NBAS: variants seen among roughly 807,000 people sequenced by gnomAD.
NBAS encodes NAG/BC035112 fusion.
In NBAS, 219 loss-of-function variants were observed where a neutral mutation model predicts 302.5. The observed-to-expected ratio is 0.72, with a 90% CI of 0.65 to 0.81. The LOEUF (loss-of-function observed/expected upper bound fraction) is 0.81. NBAS is among the 30% of genes least tolerant of loss of function. NBAS has a pLI of 0.00. For missense variants in NBAS, 2,932 were observed against 2,841.6 expected (o/e 1.03, Z -0.72); for synonymous variants, 1,118 against 1,021.6 (o/e 1.09, Z -1.80).
intron 26 of NBAS, among the ~76,000 whole-genome samples, chr2:15,401,155 C>G (rs1406869904): frequency 1.3e-5 from 2 of 151,906 alleles, no homozygotes; most frequent in Non-Finnish European, 2.9e-5. Context: ...AAAAAAGTCA[C>G]TAGGGTAATA....
chr2:14,810,078 C>T, the NBAS span, among the ~76,000 whole-genome samples: 6 of 152,148 alleles, frequency 3.9e-5, no homozygotes, highest in African/African-American at 9.7e-5. Flanking sequence ...AACTAACTTG[C>T]TTTTGATTTT....
chr2:14,813,769 T>A, the NBAS span, among the ~76,000 whole-genome samples: 3 of 152,162 alleles, frequency 2.0e-5, no homozygotes, highest in African/African-American at 7.2e-5. Context: ...GCTACAGAAT[T>A]TTACATAAGT....
the NBAS span, among the ~76,000 whole-genome samples, chr2:14,850,560 A>G: frequency 2.3e-5 from 2 of 85,376 alleles, no homozygotes; most frequent in East Asian, 4.8e-4. Context: ...AATTGAACTC[A>G]GCTCTGCACC....
chr2:14,840,887 A>AAT, the NBAS span, among the ~76,000 whole-genome samples: 1 of 152,042 alleles, frequency 6.6e-6, no homozygotes, highest in Non-Finnish European at 1.5e-5. Context: ...GAATACTCCC[A>AAT]ATATTTTTAT....
chr2:15,115,020 C>T, the NBAS span, among the ~76,000 whole-genome samples: 4 of 152,082 alleles, frequency 2.6e-5, no homozygotes, highest in South Asian at 2.1e-4. Flanking sequence ...GTACCAGTAG[C>T]GTTTCCTTTA....
At chr2:15,290,117 G>GGGAGAGA (rs1394945232) in intron 41 of NBAS, among the ~76,000 whole-genome samples, 1 of 150,952 alleles carries the variant, frequency 6.6e-6, no homozygotes, top group South Asian at 2.1e-4. Context: ...GAGGGGAGAG[G>GGGAGAGA]GGAGAGAGGA....
chr2:15,301,953 G>C (rs960076325), intron 40 of NBAS, among the ~76,000 whole-genome samples: 1 of 152,196 alleles, frequency 6.6e-6, no homozygotes, highest in African/African-American at 2.4e-5. Flanking sequence ...AAGGATTTTG[G>C]GTGGAGAGGA....
chr2:15,011,958 G>A, the NBAS span, among the ~76,000 whole-genome samples: 1 of 152,102 alleles, frequency 6.6e-6, no homozygotes, highest in African/African-American at 2.4e-5. Flanking sequence ...GTTGGAAGAG[G>A]CAACTGTTCC....
At chr2:14,814,888 C>A in the NBAS span, among the ~76,000 whole-genome samples, 1 of 152,144 alleles carries the variant, frequency 6.6e-6, no homozygotes, top group African/African-American at 2.4e-5. Context: ...GTGATCAAAT[C>A]ATGGAAGTGG....
intron 32 of NBAS, among the ~76,000 whole-genome samples, chr2:15,356,919 T>G (rs1673648316): frequency 6.6e-6 from 1 of 152,212 alleles, no homozygotes. Flanking sequence ...AAATTCTCGT[T>G]GGGCTCCTCT....
rs145686243 is a variant in NBAS at position 15,350,405 on chromosome 2, A to C, written c.4179+1587T>G. Among the ~76,000 whole-genome samples the C allele has an allele frequency of 9.2e-5, 14 of 152,336 alleles. No homozygotes were observed. In the East Asian group the frequency reaches 2.3e-3, roughly 25 times the overall value. On this transcript the variant is annotated intron_variant, in intron 35 of 51. Transcript: ENST00000281513. Reference sequence around the variant, plus strand: ...ATTTGATGGAATCTCATGAAAAACCAATCTATATAGAGAATCATCACGTCT... The same window carrying C: ...ATTTGATGGAATCTCATGAAAAACCCATCTATATAGAGAATCATCACGTCT...
chr2:15,128,989 C>T, the NBAS span, among the ~76,000 whole-genome samples: 3 of 152,148 alleles, frequency 2.0e-5, no homozygotes, highest in South Asian at 2.1e-4. Flanking sequence ...TGTGTGGAGC[C>T]GCTGGTTTGA....
At chr2:14,837,530 G>T in the NBAS span, among the ~76,000 whole-genome samples, 10,050 of 151,082 alleles carry the variant, frequency 0.067, 426 homozygotes, top group African/African-American at 0.11. Flanking sequence ...TTTGCTGGAG[G>T]AGCCACTTGA....
intron 47 of NBAS, among the ~76,000 whole-genome samples, chr2:15,219,329 T>A (rs1381330250): frequency 2.0e-5 from 3 of 151,506 alleles, no homozygotes; most frequent in Non-Finnish European, 4.4e-5. Flanking sequence ...TTCTTTTTTT[T>A]TAATTTTTTT....
intron 44 of NBAS, among the ~76,000 whole-genome samples, chr2:15,267,784 G>A (rs771867858): frequency 1.3e-5 from 2 of 152,098 alleles, no homozygotes; most frequent in African/African-American, 4.8e-5. Flanking sequence ...GCTTTAAAGT[G>A]TTATATCTTG....
the NBAS span, among the ~76,000 whole-genome samples, chr2:14,848,600 C>G: frequency 1.7e-4 from 24 of 140,170 alleles, 3 homozygotes; most frequent in Admixed American, 2.7e-4. Flanking sequence ...CTGCCTGCCT[C>G]TGTAGGCTCC....
chr2:15,496,860 A>G (rs1681091889), intron 11 of NBAS, among the ~76,000 whole-genome samples: 1 of 152,238 alleles, frequency 6.6e-6, no homozygotes, highest in Non-Finnish European at 1.5e-5. Flanking sequence ...AATCTACATT[A>G]CAAACTTTGA....
the NBAS span, among the ~76,000 whole-genome samples, chr2:14,898,593 T>C: frequency 2.0e-5 from 3 of 152,206 alleles, no homozygotes; most frequent in Non-Finnish European, 4.4e-5. Context: ...GATAACTGAA[T>C]CCTGGGGGTG....
the NBAS span, among the ~76,000 whole-genome samples, chr2:14,968,984 T>C: frequency 6.6e-6 from 1 of 152,200 alleles, no homozygotes; most frequent in Non-Finnish European, 1.5e-5. Flanking sequence ...AAATGTCACA[T>C]ATTCACACAA....
Sources: gnomAD v4.1 joint callset for allele counts (sites outside exome capture counted in the v4.1 genomes callset) on GRCh38, gnomAD v4.1.1 for gene constraint, MANE v1.5 for transcripts, NCBI Gene and HGNC (gene_info 2026-07-23, HGNC 2026-07-21) for gene names.